The following PTCD1 variants were observed in gnomAD, a reference collection of about 807,000 sequenced individuals.
The protein encoded by PTCD1 is pentatricopeptide repeat-containing protein 1, mitochondrial.
PTCD1 carries 50 observed loss-of-function variants against 53.4 expected under a neutral mutation model. The ratio of observed to expected loss-of-function variants is 0.94; its 90% CI spans 0.75 to 1.19. PTCD1 has a LOEUF of 1.19. Among genes scored for constraint, PTCD1 ranks in the 50% most tolerant of loss-of-function variants. PTCD1 has a pLI of 0.00. For missense variants in PTCD1, 918 were observed against 904.8 expected, an observed-to-expected ratio of 1.01 and a Z score of -0.19; for synonymous variants, 413 against 394.8, an observed-to-expected ratio of 1.05 and a Z score of -0.55.
intron 7 of PTCD1, among the ~76,000 whole-genome samples, chr7:99,422,798 A>G (rs943973557): frequency 6.6e-6 from 1 of 152,140 alleles, no homozygotes; most frequent in Non-Finnish European, 1.5e-5. Flanking sequence ...GGCGATGGCC[A>G]CCTGTCTGCA....
At chr7:99,438,359 CGGGAGGCTGAGGT>C (rs1398021472) in intron 1 of PTCD1, among the ~76,000 whole-genome samples, 1 of 151,706 alleles carries the variant, frequency 6.6e-6, no homozygotes, top group Non-Finnish European at 1.5e-5. Context: ...TCCAGCTACT[CGGGAGGCTGAGGT>C]GGGAGGATCG....
Position 99,438,781 on chromosome 7 carries a change from A to AGC in PTCD1, c.-118_-117dup. On this transcript the variant is annotated 5_prime_UTR_variant, in exon 1 of 8. Transcript: ENST00000292478. Reference sequence around the variant, plus strand: ...TCTTCCTCGGGTCCCCCTCTCCCCAAGCGCGCAGGCGCAATCCGCGTCGCC... The same window carrying AGC: ...TCTTCCTCGGGTCCCCCTCTCCCCAAGCGCGCGCAGGCGCAATCCGCGTCGCC... 7.3e-7 allele frequency: 1 copy of AGC among 1,373,004 alleles called. No individual in the cohort carries two copies. Among genetic ancestry groups the AGC allele is most frequent in the South Asian group, 1.2e-5 (1 of 81,654 alleles). 85.1% of individuals were successfully genotyped at this position (1,373,004 alleles called of 1,614,324 possible). A position where few individuals can be genotyped will look rare whatever the true frequency, so the allele number is the denominator to read the frequency against.
chr7:99,425,396 AGCATGGCTG>A lies in PTCD1; in HGVS notation c.1127_1135del (p.Ser376_Met378del), dbSNP rs1398654619. 6 of 1,614,066 alleles carry A rather than the reference AGCATGGCTG, an allele frequency of 3.7e-6. No individual in the cohort carries two copies. The highest frequency in any genetic ancestry group is 2.2e-5 in the East Asian group (1 of 44,900). ...CTGCCTCTCCAGGGCCTCCACATGC[AGCATGGCTG>A]ACATGAGGTTGCCTGCCTTGGCCTG... On this transcript the variant is annotated inframe_deletion, in exon 6 of 8. Transcript: ENST00000292478.
Position 99,438,717 on chromosome 7 carries a change from C to T in PTCD1, c.-52G>A. On this transcript the variant is annotated 5_prime_UTR_variant, in exon 1 of 8. Transcript: ENST00000292478. ...TTGAAGTGTCCGGCGCAGTGCACTC[C>T]GACGGGGAGCCCTGCCCGGTCCCCG... 7.7e-7 allele frequency: 1 copy of T among 1,296,496 alleles called. No individual in the cohort carries two copies. Among genetic ancestry groups the T allele is most frequent in the Non-Finnish European group, 1.0e-6 (1 of 996,856 alleles). The allele number at this position is 1,296,496 out of a possible 1,614,324, so 80.3% of individuals were successfully genotyped here. A position where few individuals can be genotyped will look rare whatever the true frequency, so the allele number is the denominator to read the frequency against.
chr7:99,425,357 G>A lies in PTCD1; in HGVS notation c.1175C>T (p.Pro392Leu). 5.0e-6 allele frequency: 8 copies of A among 1,614,192 alleles called. No individual in the cohort carries two copies. The highest frequency in any genetic ancestry group is 6.8e-6 in the Non-Finnish European group (8 of 1,180,040). ...CTCTGGAGGCCCAAGTGCCTGAGAA[G>A]GTTCCAGAAACAGCTGCCTCTCCAG... ...EALERQLFLE[P>L]SQALGPPEPP... is the part of the protein sequence containing the mutation. Residue 392 changes from proline (P) to leucine (L), a missense_variant, in exon 6 of 8, where the codon CCT (proline) becomes CTT (leucine). By Grantham distance (98) the Pro-to-Leu change is moderately conservative (BLOSUM62 -3). Coordinates refer to ENST00000292478, the MANE Select transcript of PTCD1 (RefSeq NM_015545.4).
chr7:99,432,788 C>A (rs538850606), intron 3 of PTCD1: 31 of 202,460 alleles, frequency 1.5e-4, no homozygotes, highest in African/African-American at 6.7e-4. Context: ...GATGCGGTGG[C>A]TGGGCTGTGA....
At position 99,417,213 on chromosome 7, in the gene PTCD1, C is replaced by T. The variant is rs1279393963; in HGVS notation, c.*2754G>A. The T allele has an allele frequency of 4.4e-6, 2 of 458,182 alleles. No individual in the cohort carries two copies. The highest frequency in any genetic ancestry group is 4.0e-5 in the African/African-American group (2 of 49,926). 28.4% of individuals were successfully genotyped at this position (458,182 alleles called of 1,614,324 possible). A position where few individuals can be genotyped will look rare whatever the true frequency, so the allele number is the denominator to read the frequency against. ...CTGGGATTACAGCTGCTACCACGCC[C>T]GAGTAATTTTTGTATTTTTAGTAGA... On this transcript the variant is annotated 3_prime_UTR_variant, in exon 8 of 8. Coordinates refer to ENST00000292478, the MANE Select transcript of PTCD1 (RefSeq NM_015545.4).
rs1795520594 is a variant in PTCD1, at chr7:99,417,033, T to G, written c.*2934A>C. On this transcript the variant is annotated 3_prime_UTR_variant, in exon 8 of 8. Coordinates refer to ENST00000292478, the MANE Select transcript of PTCD1 (RefSeq NM_015545.4). ...AAGTACTTTTTTTTTTTGTTCCTCC[T>G]CCAAGGACTGTCCCGTTGCAATACT... 5.4e-6 allele frequency: 1 copy of G among 186,628 alleles called. No homozygotes were observed. The highest frequency in any genetic ancestry group is 2.4e-5 in the African/African-American group (1 of 40,864). 11.6% of individuals were successfully genotyped at this position (186,628 alleles called of 1,614,324 possible). A position where few individuals can be genotyped will look rare whatever the true frequency, so the allele number is the denominator to read the frequency against.
intron 7 of PTCD1, among the ~76,000 whole-genome samples, chr7:99,421,679 T>C (rs1246685369): frequency 6.6e-6 from 1 of 151,148 alleles, no homozygotes; most frequent in Non-Finnish European, 1.5e-5. Context: ...CACTTGAACC[T>C]GGGCGGCAGA....
In PTCD1 at chr7:99,433,415, C is replaced by A. The variant is rs1380463663; in HGVS notation, c.457G>T (p.Val153Phe). ...CKHLIKEGKL[V>F]EALDLFERQM... ...CTCTCAAACAGGTCCAGGGCTTCAA[C>A]CAGCTGCAGGGAAGAGGCAACAGGG... Residue 153 changes from valine (V) to phenylalanine (F), a missense_variant, in exon 3 of 8, where the codon GTT becomes TTT. Coordinates refer to ENST00000292478, the MANE Select transcript of PTCD1 (RefSeq NM_015545.4). 8.7e-6 allele frequency: 14 copies of A among 1,614,058 alleles called. No homozygotes were observed. Among genetic ancestry groups the A allele is most frequent in the Non-Finnish European group, 1.2e-5 (14 of 1,180,056 alleles).
At position 99,417,899 on chromosome 7, in the gene PTCD1, C is replaced by G; in HGVS notation, c.*2068G>C. On this transcript the variant is annotated 3_prime_UTR_variant, in exon 8 of 8. Transcript: ENST00000292478. The stretch of plus-strand genomic sequence containing the variant: ...TCCCAAGGTGGTGGCAGGGTGACAT[C>G]AGGGAAGGACAACCAGTGAGTTCCT... 7.5e-7 allele frequency: 1 copy of G among 1,325,888 alleles called. No homozygotes were observed. The highest frequency in any genetic ancestry group is 9.7e-7 in the Non-Finnish European group (1 of 1,029,900). 82.1% of individuals were successfully genotyped at this position (1,325,888 alleles called of 1,614,324 possible). A position where few individuals can be genotyped will look rare whatever the true frequency, so the allele number is the denominator to read the frequency against.
chr7:99,426,744 C>T (rs1306639361), intron 5 of PTCD1, among the ~76,000 whole-genome samples: 3 of 151,630 alleles, frequency 2.0e-5, no homozygotes, highest in East Asian at 3.9e-4. Context: ...CGCCTCTTCC[C>T]GGCCGCCATC....
Position 99,429,180 on chromosome 7 carries a change from CCA to C in PTCD1, c.836_837del (p.Val279GlyfsTer138). On this transcript the variant is annotated frameshift_variant, in exon 5 of 8. Transcript: ENST00000292478. LOFTEE classifies it high-confidence loss of function. ...AGGAAACTGAAGGTCTCCTCTGTGA[CCA>C]CGTGCCCTTTGTGGATGATTTCCTG... is the stretch of plus-strand genomic sequence containing the variant. ...VFKEIIHKGH[V>X]VTEETFSFLL... 1 of 1,614,124 alleles carries C rather than the reference CCA, an allele frequency of 6.2e-7. No individual in the cohort carries two copies. Among genetic ancestry groups the C allele is most frequent in the Non-Finnish European group, 8.5e-7 (1 of 1,180,010 alleles).
At position 99,434,982 on chromosome 7, in the gene PTCD1, C is replaced by T; in HGVS notation, c.261G>A (p.Glu87=). The stretch of plus-strand genomic sequence containing the variant: ...ATTTGTCAGAGAGGGTCCCAAAACT[C>T]TCCTCCTCCTCCTCGTCTTCTTCCT... ...ATQEEDEEEE[E]SFGTLSDKYS... Residue 87 remains glutamate, a synonymous_variant, in exon 2 of 8, where the codon GAG becomes GAA. Coordinates refer to ENST00000292478, the MANE Select transcript of PTCD1 (RefSeq NM_015545.4). 1.3e-6 allele frequency: 2 copies of T among 1,591,864 alleles called. No individual in the cohort carries two copies. Among genetic ancestry groups the T allele is most frequent in the South Asian group, 1.1e-5 (1 of 89,866 alleles).
In PTCD1 at chr7:99,429,822, A is replaced by C. The variant is rs533716084; in HGVS notation, c.595-16T>G. The C allele has an allele frequency of 6.6e-5, 107 of 1,613,702 alleles. 1 individual carries two copies. In the South Asian group the frequency reaches 7.9e-4, roughly 12 times the overall value. On this transcript the variant is annotated splice_polypyrimidine_tract_variant and intron_variant, in intron 3 of 7. Transcript: ENST00000292478. ...GCTTTTTCATCTGTGGAGATGGAAG[A>C]AGCTCAGTGGTGGCCCGGGATCAGC...
At chr7:99,421,857 G>A (rs1367550038) in intron 7 of PTCD1, among the ~76,000 whole-genome samples, 1 of 152,102 alleles carries the variant, frequency 6.6e-6, no homozygotes, top group Non-Finnish European at 1.5e-5. Context: ...AACTAACCCC[G>A]CACAAAGTCG....
Position 99,422,681 on chromosome 7 carries a change from C to T in PTCD1, c.1920+1094G>A, listed in dbSNP as rs76792407. Among the ~76,000 whole-genome samples the T allele has an allele frequency of 3.4e-3, 519 of 152,276 alleles. 7 individuals are homozygous for T. The highest frequency in any genetic ancestry group is 0.022 in the East Asian group (112 of 5,186). Reference sequence around the variant, plus strand: ...GGAAGCTTGCAGGGGTAAATGCTGGCGGCTGTGCCAACAGAAAAGGGCTAC... The same window carrying T: ...GGAAGCTTGCAGGGGTAAATGCTGGTGGCTGTGCCAACAGAAAAGGGCTAC... On this transcript the variant is annotated intron_variant, in intron 7 of 7. Coordinates refer to ENST00000292478, the MANE Select transcript of PTCD1 (RefSeq NM_015545.4).
chr7:99,419,457 C>A lies in PTCD1; in HGVS notation c.*510G>T, dbSNP rs780720019. On this transcript the variant is annotated 3_prime_UTR_variant, in exon 8 of 8. Coordinates refer to ENST00000292478, the MANE Select transcript of PTCD1 (RefSeq NM_015545.4). Reference sequence around the variant, plus strand: ...CTCTGGCTGAGGCTGGCGCGCTCCACCCTGGACTCTGGACTTCGCAGGTTC... The same window carrying A: ...CTCTGGCTGAGGCTGGCGCGCTCCAACCTGGACTCTGGACTTCGCAGGTTC... The A allele has an allele frequency of 3.7e-6, 6 of 1,610,102 alleles. No individual in the cohort carries two copies. The highest frequency in any genetic ancestry group is 5.1e-6 in the Non-Finnish European group (6 of 1,179,962).
chr7:99,434,914 TG>T lies in PTCD1; in HGVS notation c.328del (p.His110IlefsTer37). On this transcript the variant is annotated frameshift_variant, in exon 2 of 8. Coordinates refer to ENST00000292478, the MANE Select transcript of PTCD1 (RefSeq NM_015545.4). LOFTEE classifies it high-confidence loss of function. ...RLFRKSAAQF[H>X]NLRFGERRDE... ...TCTCCGTTCCCCAAACCGCAGGTTA[TG>T]GAACTGGGCTGCGGATTTGCGGAAT... 1.2e-6 allele frequency: 2 copies of T among 1,614,278 alleles called. No individual in the cohort carries two copies. Among genetic ancestry groups the T allele is most frequent in the Non-Finnish European group, 1.7e-6 (2 of 1,180,060 alleles).
Sources: allele counts gnomAD v4.1 joint callset (sites outside exome capture counted in the v4.1 genomes callset), GRCh38; gene constraint gnomAD v4.1.1; transcripts MANE v1.5; gene names NCBI Gene and HGNC (gene_info 2026-07-23, HGNC 2026-07-21).